ZDHHC14: variants seen among roughly 807,000 people sequenced by gnomAD.
The protein encoded by ZDHHC14 is palmitoyltransferase ZDHHC14.
In ZDHHC14, 16 loss-of-function variants were observed where a neutral mutation model predicts 47.7. The observed-to-expected ratio is 0.34, with a 90% confidence interval of 0.23 to 0.51. The LOEUF (loss-of-function observed/expected upper bound fraction) is 0.51, where lower values mean the gene tolerates loss of function less well. ZDHHC14 is among the 20% of genes least tolerant of loss of function. ZDHHC14 has a pLI of 0.97. For synonymous variants in ZDHHC14, 293 were observed against 278.9 expected, an observed-to-expected ratio of 1.05 and a Z score of -0.50; for missense variants, 515 against 662.5, an observed-to-expected ratio of 0.78 and a Z score of 2.44.
intron 1 of ZDHHC14, among the ~76,000 whole-genome samples, chr6:157,509,582 T>C (rs990980297): frequency 6.6e-6 from 1 of 152,184 alleles, no homozygotes; most frequent in African/African-American, 2.4e-5. Flanking sequence ...CCCTCTCTGT[T>C]ACTCGCCAAG....
intron 2 of ZDHHC14, among the ~76,000 whole-genome samples, chr6:157,570,600 A>C (rs1407433424): frequency 6.6e-6 from 1 of 152,234 alleles, no homozygotes; most frequent in African/African-American, 2.4e-5. Flanking sequence ...TGTGGAAAAA[A>C]ATAGTATGGA....
At chr6:157,457,511 A>T (rs1778950873) in intron 1 of ZDHHC14, among the ~76,000 whole-genome samples, 2 of 152,250 alleles carry the variant, frequency 1.3e-5, no homozygotes, top group South Asian at 4.1e-4. Context: ...TTTGTCAGCA[A>T]GTAGGAGTAC....
At chr6:157,556,352 G>A (rs962532151) in intron 2 of ZDHHC14, among the ~76,000 whole-genome samples, 9 of 152,168 alleles carry the variant, frequency 5.9e-5, no homozygotes, top group African/African-American at 1.9e-4. Flanking sequence ...CAGTCCTCTC[G>A]GCAGCCCTCT....
rs1486247709 is a variant in ZDHHC14 at position 157,642,059 on chromosome 6, TAGATAGA to T, written c.753-3677_753-3671del. Among the ~76,000 whole-genome samples, 10 of 151,360 alleles carry T rather than the reference TAGATAGA, an allele frequency of 6.6e-5. No homozygotes were observed. The East Asian group carries it at 1.2e-3, about 18-fold the overall frequency. ...ATAGATAGATAGATAGATAGATAGA[TAGATAGA>T]TAGTTATCATGTTGGAAATTAGAAC... On this transcript the variant is annotated intron_variant, in intron 5 of 8. Transcript: ENST00000359775.
chr6:157,428,060 G>A (rs112275210), intron 1 of ZDHHC14, among the ~76,000 whole-genome samples: 365 of 152,248 alleles, frequency 2.4e-3, no homozygotes, highest in African/African-American at 8.5e-3. Flanking sequence ...TTCTGCTGTC[G>A]ATATGTGCTA....
Position 157,672,887 on chromosome 6 carries a change from C to G in ZDHHC14, c.1232C>G (p.Pro411Arg). ...AGCCTCACACTGGGCCCGCCCACAC[C>G]GCCCGCCTCCATGCCCAACCTCGCC... ...CASLTLGPPT[P>R]PASMPNLAEA... The change falls in exon 9 of 9, where the codon CCG becomes CGG. Residue 411 changes from proline (P) to arginine (R), a missense_variant. By Grantham distance (103) the Pro-to-Arg change is moderately radical. This residue lies in a region of ZDHHC14 where 221 missense variants were observed against 233.6 expected (regional missense o/e 0.95). Transcript: ENST00000359775. 6.2e-7 allele frequency: 1 copy of G among 1,606,278 alleles called. No individual in the cohort carries two copies. The highest frequency in any genetic ancestry group is 1.7e-4 in the Middle Eastern group (1 of 5,964).
chr6:157,506,774 A>G (rs905880434), intron 1 of ZDHHC14, among the ~76,000 whole-genome samples: 5 of 152,238 alleles, frequency 3.3e-5, no homozygotes, highest in Middle Eastern at 6.3e-3. Flanking sequence ...GTCTATATCT[A>G]AAGGAAAACA....
chr6:157,471,981 A>G (rs769357109), intron 1 of ZDHHC14, among the ~76,000 whole-genome samples: 1 of 152,202 alleles, frequency 6.6e-6, no homozygotes, highest in East Asian at 1.9e-4. Context: ...CACGTGGCCA[A>G]TAGTGCGCAC....
intron 7 of ZDHHC14, among the ~76,000 whole-genome samples, chr6:157,651,973 A>G (rs1015359136): frequency 1.3e-5 from 2 of 152,204 alleles, no homozygotes; most frequent in African/African-American, 4.8e-5. Context: ...CCCGCGCTAG[A>G]GGGCAGAACA....
At chr6:157,636,887 TG>T (rs987783267) in intron 5 of ZDHHC14, among the ~76,000 whole-genome samples, 7 of 152,240 alleles carry the variant, frequency 4.6e-5, no homozygotes, top group Non-Finnish European at 8.8e-5. Flanking sequence ...GGTGTGCCAC[TG>T]ACGCCCCTCC....
intron 1 of ZDHHC14, among the ~76,000 whole-genome samples, chr6:157,504,449 A>ATTTT (rs35677570): frequency 3.1e-5 from 3 of 96,470 alleles, no homozygotes; most frequent in African/African-American, 4.2e-5. Context: ...CACCCAGCCT[A>ATTTT]TTTTTTTTTT....
chr6:157,430,121 C>G (rs1487142940), intron 1 of ZDHHC14, among the ~76,000 whole-genome samples: 1 of 152,040 alleles, frequency 6.6e-6, no homozygotes, highest in Non-Finnish European at 1.5e-5. Context: ...TTGAGACCAT[C>G]CTGGCCAACA....
At chr6:157,580,620 A>C (rs35904357) in intron 2 of ZDHHC14, among the ~76,000 whole-genome samples, 42,556 of 151,600 alleles carry the variant, frequency 0.28, 6,731 homozygotes, top group East Asian at 0.51. Context: ...GTCTTTGGAG[A>C]TTGTATGTGT....
chr6:157,512,683 A>AAAAGAAAG (rs928410905), intron 1 of ZDHHC14, among the ~76,000 whole-genome samples: 6 of 152,128 alleles, frequency 3.9e-5, no homozygotes, highest in African/African-American at 1.4e-4. Flanking sequence ...TTCTCCACAA[A>AAAAGAAAG]AAAGAAAGAA....
At position 157,499,371 on chromosome 6, in the gene ZDHHC14, G is replaced by C. The variant is rs142866780; in HGVS notation, c.246-43214G>C. 2.6e-3 allele frequency among the ~76,000 whole-genome samples: 402 copies of C among 152,110 alleles called. 1 individual carries two copies. Among genetic ancestry groups the C allele is most frequent in the African/African-American group, 9.4e-3 (391 of 41,482 alleles). On this transcript the variant is annotated intron_variant, in intron 1 of 8. Transcript: ENST00000359775. ...GGTGGTGCCTTCTCCTTGTGTCCTC[G>C]TGTGGCTGAGGGAGCCAGCCCCAGG...
At chr6:157,533,813 T>C (rs1781449745) in intron 1 of ZDHHC14, among the ~76,000 whole-genome samples, 1 of 152,264 alleles carries the variant, frequency 6.6e-6, no homozygotes, top group South Asian at 2.1e-4. Flanking sequence ...CCTCAGGCTC[T>C]AAATGTGGAG....
chr6:157,617,757 C>A (rs1366728949), intron 3 of ZDHHC14, among the ~76,000 whole-genome samples: 1 of 152,042 alleles, frequency 6.6e-6, no homozygotes, highest in South Asian at 2.1e-4. Context: ...ATAAGAGTCA[C>A]GAGGGTGGGG....
At chr6:157,641,520 A>G (rs1016399521) in intron 5 of ZDHHC14, among the ~76,000 whole-genome samples, 15 of 152,198 alleles carry the variant, frequency 9.9e-5, no homozygotes, top group Non-Finnish European at 2.2e-4. Context: ...ATGCCAGTAC[A>G]TGTCCATGTA....
rs957231355 is a variant in ZDHHC14, at chr6:157,486,665, C to T, written c.246-55920C>T. Among the ~76,000 whole-genome samples the T allele has an allele frequency of 4.6e-5, 7 of 152,190 alleles. No individual in the cohort carries two copies. In the South Asian group the frequency reaches 8.3e-4, roughly 18 times the overall value. ...GAACAGGGTGGCAGAGGAAGCCTGA[C>T]GATGCTGCAGGAGCTCACAGGGAGC... On this transcript the variant is annotated intron_variant, in intron 1 of 8. Coordinates refer to ENST00000359775, the MANE Select transcript of ZDHHC14 (RefSeq NM_024630.3).
Sources: gnomAD v4.1 joint callset for allele counts (sites outside exome capture counted in the v4.1 genomes callset) on GRCh38, gnomAD v4.1.1 for gene constraint, gnomAD v4.1.1 regional missense constraint, MANE v1.5 for transcripts, NCBI Gene and HGNC (gene_info 2026-07-23, HGNC 2026-07-21) for gene names.